The following GPATCH3 variants were observed in gnomAD, a reference collection of about 807,000 sequenced individuals.
The protein encoded by GPATCH3 is G patch domain-containing protein 3.
A neutral mutation model predicts 53.2 loss-of-function variants in GPATCH3; 45 were observed. The ratio of observed to expected loss-of-function variants is 0.85; its 90% CI spans 0.67 to 1.08. The LOEUF (loss-of-function observed/expected upper bound fraction) is 1.08, where lower values mean the gene tolerates loss of function less well. Among genes scored for constraint, GPATCH3 ranks in the 50% least tolerant of loss-of-function variants. GPATCH3 has a pLI of 0.00. For synonymous variants in GPATCH3, 280 were observed against 270.6 expected, an observed-to-expected ratio of 1.03 and a Z score of -0.34; for missense variants, 680 against 687.2, an observed-to-expected ratio of 0.99 and a Z score of 0.12.
rs1264261515 is a variant in GPATCH3 at position 26,900,262 on chromosome 1, C to T, written c.181G>A (p.Ala61Thr). ...GTAGGAATTAGGGCAGAGTTAGGAGCGGCCTGCGGAGGGGCCCGCTCAGGC... is the reference window on the plus strand; with the variant it reads ...GTAGGAATTAGGGCAGAGTTAGGAGTGGCCTGCGGAGGGGCCCGCTCAGGC... ...HRPERAPPQA[A>T]PNSALIPTDP... The change falls in exon 1 of 7, where the codon GCT becomes ACT. Residue 61 changes from alanine to threonine, a missense_variant. By Grantham distance (58) the Ala-to-Thr change is moderately conservative. Coordinates refer to ENST00000361720, the MANE Select transcript of GPATCH3 (RefSeq NM_022078.3). 3 of 1,614,026 alleles carry T rather than the reference C, an allele frequency of 1.9e-6. No individual in the cohort carries two copies. Among genetic ancestry groups the T allele is most frequent in the Admixed American group, 3.3e-5 (2 of 60,010 alleles).
chr1:26,899,828 T>G (rs556596177), intron 1 of GPATCH3, among the ~76,000 whole-genome samples, 164 bp downstream of exon 1: 6 of 152,318 alleles, frequency 3.9e-5, no homozygotes, highest in African/African-American at 1.4e-4. Context: ...TTTTTCTCCA[T>G]GTATTGGACT....
chr1:26,894,509 G>A (rs534730523), intron 2 of GPATCH3, 99 bp from the exon 3 acceptor site: 15 of 1,133,196 alleles, frequency 1.3e-5, no homozygotes, highest in East Asian at 2.4e-5. Flanking sequence ...TAGCCTCAGC[G>A]CCATTCCTTC....
chr1:26,892,624 G>A (rs776291801), intron 5 of GPATCH3, 46 bp downstream of exon 5: 40 of 1,609,702 alleles, frequency 2.5e-5, no homozygotes, highest in Non-Finnish European at 3.4e-5. Context: ...TTAAAGTAGA[G>A]AAGGAAAAGA....
At chr1:26,894,525 T>G in intron 2 of GPATCH3, 115 bp from the exon 3 acceptor site, 1 of 995,012 alleles carries the variant, frequency 1.0e-6, no homozygotes. Flanking sequence ...CCTTCAGATT[T>G]CTCCAAGAAG....
Position 26,900,098 on chromosome 1 carries a change from C to A in GPATCH3, c.345G>T (p.Gln115His). The change falls in exon 1 of 7, where the codon CAG (glutamine) becomes CAT (histidine). Residue 115 changes from glutamine (Q) to histidine (H), a missense_variant. Gln to His is a conservative substitution (Grantham distance 24). Coordinates refer to ENST00000361720, the MANE Select transcript of GPATCH3 (RefSeq NM_022078.3). Reference protein sequence around the residue: ...VISVRGLAQAQRLIRMYSGRR... With the variant: ...VISVRGLAQAHRLIRMYSGRR... ...GGCCCGAGTACATGCGAATAAGCCT[C>A]TGAGCTTGAGCCAACCCCCTTACCG... 1 of 1,614,220 alleles carries A rather than the reference C, an allele frequency of 6.2e-7. No individual in the cohort carries two copies.
At position 26,893,380 on chromosome 1, in the gene GPATCH3, G is replaced by A. The variant is rs2081936869; in HGVS notation, c.1111+9C>T. ...TTCACCTCCAGTATTGCCACTCCTT[G>A]CCCAGTACCTCTGTCATAGTACACA... On this transcript the variant is annotated intron_variant, in intron 4 of 6. Transcript: ENST00000361720. The A allele has an allele frequency of 6.2e-7, 1 of 1,609,724 alleles. No individual in the cohort carries two copies. Among genetic ancestry groups the A allele is most frequent in the Non-Finnish European group, 8.5e-7 (1 of 1,176,022 alleles).
chr1:26,894,523 T>C (rs1199796429), intron 2 of GPATCH3, 113 bp from the exon 3 acceptor site: 10 of 1,008,024 alleles, frequency 9.9e-6, no homozygotes, highest in Non-Finnish European at 3.0e-6. Context: ...TTCCTTCAGA[T>C]TTCTCCAAGA....
chr1:26,897,225 A>G (rs886874006), intron 2 of GPATCH3, 76 bp downstream of exon 2: 1 of 1,401,228 alleles, frequency 7.1e-7, no homozygotes, highest in Admixed American at 1.9e-5. Context: ...TGTAATAGAC[A>G]ATTGAAGAGT....
At chr1:26,891,506 G>A (rs1393148635) in intron 6 of GPATCH3, among the ~76,000 whole-genome samples, 1 of 150,380 alleles carries the variant, frequency 6.6e-6, no homozygotes, top group Non-Finnish European at 1.5e-5. Context: ...TAAGCCTTAG[G>A]GCTTACTCTT....
At chr1:26,894,106 A>C in intron 3 of GPATCH3, 130 bp downstream of exon 3, 1 of 847,364 alleles carries the variant, frequency 1.2e-6, no homozygotes, top group South Asian at 1.7e-5. Context: ...TCTCTCGTAT[A>C]CAATAGAGGT....
intron 3 of GPATCH3, among the ~76,000 whole-genome samples, 195 bp downstream of exon 3, chr1:26,894,041 C>T (rs1369732885): frequency 1.3e-5 from 2 of 148,918 alleles, no homozygotes; most frequent in African/African-American, 2.5e-5. Context: ...GGGGGCGGGG[C>T]GGGGGGCATT....
Position 26,900,262 on chromosome 1 carries a change from C to A in GPATCH3, c.181G>T (p.Ala61Ser). The A allele has an allele frequency of 6.2e-7, 1 of 1,614,026 alleles. No homozygotes were observed. The highest frequency in any genetic ancestry group is 8.5e-7 in the Non-Finnish European group (1 of 1,180,036). The change falls in exon 1 of 7, where the codon GCT becomes TCT. Residue 61 changes from alanine to serine, a missense_variant. Coordinates refer to ENST00000361720, the MANE Select transcript of GPATCH3 (RefSeq NM_022078.3). Reference protein sequence around the residue: ...HRPERAPPQAAPNSALIPTDP... With the variant: ...HRPERAPPQASPNSALIPTDP... The stretch of plus-strand genomic sequence containing the variant: ...GTAGGAATTAGGGCAGAGTTAGGAG[C>A]GGCCTGCGGAGGGGCCCGCTCAGGC...
Position 26,897,524 on chromosome 1 carries a change from T to C in GPATCH3, c.653A>G (p.Gln218Arg). 6.2e-7 allele frequency: 1 copy of C among 1,614,216 alleles called. No homozygotes were observed. ...ACRLPPRIIT[Q>R]LQLQFPKTGS... ...TGTCTTGGGGAACTGGAGCTGCAGC[T>C]GGGTGATGATCCGAGGGGGTAGGCG... Residue 218 changes from glutamine to arginine, a missense_variant, in exon 2 of 7, where the codon CAG (glutamine) becomes CGG (arginine). Transcript: ENST00000361720.
intron 2 of GPATCH3, among the ~76,000 whole-genome samples, 191 bp from the exon 3 acceptor site, chr1:26,894,601 C>T (rs1454126747): frequency 6.6e-6 from 1 of 152,076 alleles, no homozygotes; most frequent in Non-Finnish European, 1.5e-5. Flanking sequence ...TTGCTCCTGT[C>T]CCCACAAGCC....
chr1:26,894,030 T>G (rs11810321), intron 3 of GPATCH3, among the ~76,000 whole-genome samples: 23,345 of 145,782 alleles, frequency 0.16, 1,934 homozygotes, highest in African/African-American at 0.22. Flanking sequence ...CAGAATTTGT[T>G]GGGGGCGGGG....
rs756273787 is a variant in GPATCH3 at position 26,892,682 on chromosome 1, C to G, written c.1221G>C (p.Glu407Asp). 6.2e-7 allele frequency: 1 copy of G among 1,613,990 alleles called. No homozygotes were observed. The highest frequency in any genetic ancestry group is 1.3e-5 in the African/African-American group (1 of 74,888). Reference protein sequence around the residue: ...SVIERQVGTFERHTKGIGRKV... With the variant: ...SVIERQVGTFDRHTKGIGRKV... Reference sequence around the variant, plus strand: ...AGTGCTAACTCACCTTGGTGTGGCGCTCAAAGGTGCCCACCTGGCGTTCGA... The same window carrying G: ...AGTGCTAACTCACCTTGGTGTGGCGGTCAAAGGTGCCCACCTGGCGTTCGA... Residue 407 changes from glutamate to aspartate, a missense_variant, in exon 5 of 7, where the codon GAG becomes GAC. Glu to Asp is a conservative substitution (Grantham distance 45). Coordinates refer to ENST00000361720, the MANE Select transcript of GPATCH3 (RefSeq NM_022078.3).
At chr1:26,893,519 G>A in intron 3 of GPATCH3, 71 bp from the exon 4 acceptor site, 1 of 546,042 alleles carries the variant, frequency 1.8e-6, no homozygotes, top group Non-Finnish European at 3.2e-6. Flanking sequence ...TAAACCTAGA[G>A]TTTTTTTGGC....
chr1:26,891,194 T>C lies in GPATCH3; in HGVS notation c.1394A>G (p.Gln465Arg). Residue 465 changes from glutamine (Q) to arginine (R), a missense_variant, in exon 7 of 7, where the codon CAA becomes CGA. Physicochemically the swap from Gln to Arg is conservative, Grantham distance 43. Transcript: ENST00000361720. Reference sequence around the variant, plus strand: ...GCCATTTCTACGGGGCCTCTTCAGTTGCCCAAATGGCTGTAGCTTCTCTCC... The same window carrying C: ...GCCATTTCTACGGGGCCTCTTCAGTCGCCCAAATGGCTGTAGCTTCTCTCC... ...YHGEKLQPFG[Q>R]LKRPRRNGLG... The C allele has an allele frequency of 1.2e-6, 2 of 1,613,852 alleles. No homozygotes were observed. Among genetic ancestry groups the C allele is most frequent in the Non-Finnish European group, 1.7e-6 (2 of 1,179,880 alleles).
intron 2 of GPATCH3, among the ~76,000 whole-genome samples, chr1:26,895,593 G>A (rs1440318657): frequency 6.6e-6 from 1 of 150,566 alleles, no homozygotes; most frequent in African/African-American, 2.4e-5. Flanking sequence ...AGTCAGGATG[G>A]TACCACACTA....
Sources: gnomAD v4.1 joint callset for allele counts (sites outside exome capture counted in the v4.1 genomes callset) on GRCh38, gnomAD v4.1.1 for gene constraint, MANE v1.5 for transcripts, NCBI Gene and HGNC (gene_info 2026-07-23, HGNC 2026-07-21) for gene names.